SORCS2: variants seen among roughly 807,000 people sequenced by gnomAD.
SORCS2 encodes the protein sortilin related VPS10 domain containing receptor 2.
SORCS2 carries 100 observed loss-of-function variants against 141.6 expected under a neutral mutation model. The observed-to-expected ratio is 0.71, with a 90% CI of 0.60 to 0.83. The LOEUF (loss-of-function observed/expected upper bound fraction) is 0.83, where lower values mean the gene tolerates loss of function less well. SORCS2 is among the 40% of genes least tolerant of loss of function. The pLI is 0.00. For synonymous variants in SORCS2, 789 were observed against 676.9 expected, an observed-to-expected ratio of 1.17 and a Z score of -2.57; for missense variants, 1,646 against 1,560.2, an observed-to-expected ratio of 1.05 and a Z score of -0.93.
intron 1 of SORCS2, among the ~76,000 whole-genome samples, chr4:7,374,749 C>A (rs1722528889): frequency 6.6e-6 from 1 of 152,204 alleles, no homozygotes; most frequent in Admixed American, 6.5e-5. Flanking sequence ...CCCTGGCAGG[C>A]TCAGGCTTAG....
At chr4:7,422,901 G>T (rs1726176702) in intron 2 of SORCS2, among the ~76,000 whole-genome samples, 1 of 152,148 alleles carries the variant, frequency 6.6e-6, no homozygotes, top group African/African-American at 2.4e-5. Context: ...AGCCTCCAGG[G>T]CACCCCGCGG....
At chr4:7,370,994 C>A (rs1181566536) in intron 1 of SORCS2, among the ~76,000 whole-genome samples, 1 of 152,174 alleles carries the variant, frequency 6.6e-6, no homozygotes, top group African/African-American at 2.4e-5. Context: ...CCTGCTGGGC[C>A]CCACAGCACG....
intron 3 of SORCS2, among the ~76,000 whole-genome samples, chr4:7,551,562 C>A (rs1417389982): frequency 2.6e-5 from 4 of 152,158 alleles, no homozygotes; most frequent in African/African-American, 9.7e-5. Flanking sequence ...AGGCCACTGC[C>A]CCAGGAGAGA....
At chr4:7,440,603 C>T (rs1727601597) in intron 2 of SORCS2, among the ~76,000 whole-genome samples, 1 of 152,222 alleles carries the variant, frequency 6.6e-6, no homozygotes, top group South Asian at 2.1e-4. Context: ...GCTTGCCCAG[C>T]CTGCTCTGGA....
At chr4:7,584,716 G>T (rs1207467968) in intron 3 of SORCS2, among the ~76,000 whole-genome samples, 1 of 152,180 alleles carries the variant, frequency 6.6e-6, no homozygotes, top group South Asian at 2.1e-4. Context: ...CTGGGGGGAG[G>T]TTGCATCTAA....
intron 1 of SORCS2, among the ~76,000 whole-genome samples, chr4:7,276,195 A>G (rs999078288): frequency 2.0e-5 from 3 of 152,006 alleles, no homozygotes; most frequent in Non-Finnish European, 4.4e-5. Context: ...GGGCTGTTGC[A>G]CTTTGGTCCC....
intron 2 of SORCS2, among the ~76,000 whole-genome samples, chr4:7,523,993 C>T (rs186988683): frequency 1.4e-3 from 206 of 152,304 alleles, no homozygotes; most frequent in African/African-American, 4.7e-3. Flanking sequence ...ACCAGGAGCT[C>T]CCCAGGGGAT....
chr4:7,639,322 G>A (rs1192602598), intron 4 of SORCS2, among the ~76,000 whole-genome samples: 2 of 152,212 alleles, frequency 1.3e-5, no homozygotes, highest in Non-Finnish European at 2.9e-5. Context: ...TCAGCTGCTG[G>A]CAGCTGCCAG....
chr4:7,240,337 A>G (rs1433806560), intron 1 of SORCS2, among the ~76,000 whole-genome samples: 2 of 152,198 alleles, frequency 1.3e-5, no homozygotes, highest in African/African-American at 4.8e-5. Context: ...TCTGTAAAAA[A>G]TGTTTCACCA....
At chr4:7,200,276 G>A (rs1166015858) in intron 1 of SORCS2, among the ~76,000 whole-genome samples, 1 of 152,126 alleles carries the variant, frequency 6.6e-6, no homozygotes, top group Admixed American at 6.5e-5. Context: ...ACTCCATGCT[G>A]TTCCACATGG....
In SORCS2 at chr4:7,663,221, T is replaced by C. The variant is rs1722290382; in HGVS notation, c.953-1132T>C. 6.7e-6 allele frequency among the ~76,000 whole-genome samples: 1 copy of C among 149,886 alleles called. No individual in the cohort carries two copies. Among genetic ancestry groups the C allele is most frequent in the Non-Finnish European group, 1.5e-5 (1 of 67,694 alleles). On this transcript the variant is annotated intron_variant, in intron 6 of 26. Transcript: ENST00000507866. The surrounding 1 kb of genome is among the most constrained non-coding windows in gnomAD (Gnocchi z 4.8). ...AAGAGTGAATGAGTGAGTGAATGAG[T>C]GAGTGAAGAGTGAATAAGTGAGTGA... is the stretch of plus-strand genomic sequence containing the variant.
At chr4:7,666,659 G>T (rs112111474) in intron 7 of SORCS2, among the ~76,000 whole-genome samples, 2 of 152,180 alleles carry the variant, frequency 1.3e-5, no homozygotes, top group East Asian at 3.9e-4. Context: ...GGGCCTTTCT[G>T]TCTCTGGGAA....
At chr4:7,631,052 T>C (rs1040006021) in intron 3 of SORCS2, among the ~76,000 whole-genome samples, 9 of 147,676 alleles carry the variant, frequency 6.1e-5, no homozygotes, top group Admixed American at 2.0e-4. Flanking sequence ...CTTTTCTTTT[T>C]TTTTTTTTTT....
At chr4:7,310,611 C>T (rs894727330) in intron 1 of SORCS2, 2 of 154,162 alleles carry the variant, frequency 1.3e-5, no homozygotes, top group Non-Finnish European at 2.9e-5. Flanking sequence ...CTTCCAGAAA[C>T]GCTAAAACGC....
intron 2 of SORCS2, among the ~76,000 whole-genome samples, chr4:7,499,862 T>A (rs1017079606): frequency 1.3e-5 from 2 of 152,214 alleles, no homozygotes; most frequent in African/African-American, 4.8e-5. Flanking sequence ...GTGGACCCCC[T>A]CCCAGGCAGC....
intron 1 of SORCS2, among the ~76,000 whole-genome samples, chr4:7,389,773 G>A (rs1013404378): frequency 6.6e-6 from 1 of 152,170 alleles, no homozygotes; most frequent in African/African-American, 2.4e-5. Context: ...CTGCGGGGTG[G>A]GTGACAGAGT....
At chr4:7,333,441 G>A (rs1293481800) in intron 1 of SORCS2, among the ~76,000 whole-genome samples, 2 of 152,230 alleles carry the variant, frequency 1.3e-5, no homozygotes, top group African/African-American at 2.4e-5. Flanking sequence ...CTGCTCTGTT[G>A]TGGGGGTGTT....
chr4:7,471,560 CGG>C (rs567095933), intron 2 of SORCS2, among the ~76,000 whole-genome samples: 1 of 152,230 alleles, frequency 6.6e-6, no homozygotes, highest in Non-Finnish European at 1.5e-5. Flanking sequence ...GGCCCTCCAG[CGG>C]GGCTCGCCGC....
chr4:7,418,670 TATATC>T (rs1426684076), intron 2 of SORCS2, among the ~76,000 whole-genome samples: 1 of 151,258 alleles, frequency 6.6e-6, no homozygotes, highest in African/African-American at 2.4e-5. Flanking sequence ...GTGAGGGTGA[TATATC>T]AGTTAGCTTT....
Sources: gnomAD v4.1 joint callset for allele counts (sites outside exome capture counted in the v4.1 genomes callset) on GRCh38, gnomAD v4.1.1 for gene constraint, Gnocchi (gnomAD v3.1) non-coding constraint, MANE v1.5 for transcripts, NCBI Gene and HGNC (gene_info 2026-07-23, HGNC 2026-07-21) for gene names.